The following IFT122 variants were observed in gnomAD, a reference collection of about 807,000 sequenced individuals.
The protein encoded by IFT122 is intraflagellar transport protein 122 homolog.
Under a neutral mutation model 161.6 loss-of-function variants are expected in IFT122, and 118 were observed. That is an observed-to-expected ratio of 0.73 (90% confidence interval 0.63 to 0.85). The LOEUF is 0.85. IFT122 is among the 40% of genes least tolerant of loss of function. The pLI is 0.00. For missense variants in IFT122, 1,381 were observed against 1,579.6 expected (o/e 0.87, Z 2.13); for synonymous variants, 550 against 602.4 (o/e 0.91, Z 1.27).
Position 129,443,114 on chromosome 3 carries a change from A to T in IFT122, c.41+2743A>T, listed in dbSNP as rs139979485. On this transcript the variant is annotated intron_variant, in intron 1 of 29. Coordinates refer to ENST00000348417, the MANE Select transcript of IFT122 (RefSeq NM_052989.3). Reference sequence around the variant, plus strand: ...TCCACATGTCTTTATAGGTGTTATCATGTTTAATCTCTACAACATGTGAGG... The same window carrying T: ...TCCACATGTCTTTATAGGTGTTATCTTGTTTAATCTCTACAACATGTGAGG... Among the ~76,000 whole-genome samples the T allele has an allele frequency of 2.6e-5, 4 of 152,358 alleles. No homozygotes were observed. The East Asian group carries it at 7.7e-4, about 29-fold the overall frequency.
At chr3:129,506,608 A>G (rs1415238844) in intron 22 of IFT122, 59 bp downstream of exon 22, 1 of 1,605,678 alleles carries the variant, frequency 6.2e-7, no homozygotes, top group Non-Finnish European at 8.5e-7. Flanking sequence ...ACCAAGATAA[A>G]CATCAGAAGA....
intron 13 of IFT122, 94 bp downstream of exon 13, chr3:129,480,016 C>T: frequency 1.4e-6 from 2 of 1,480,642 alleles, no homozygotes; most frequent in Admixed American, 1.7e-5. Context: ...GTTCTCAGGG[C>T]AGGAAAAGGG....
intron 6 of IFT122, 91 bp from the exon 7 acceptor site, chr3:129,464,542 CTT>C (rs1010728586): frequency 3.3e-6 from 5 of 1,495,474 alleles, no homozygotes; most frequent in Non-Finnish European, 9.3e-7. Flanking sequence ...CCTCATCAGA[CTT>C]TTATTTCAAA....
intron 1 of IFT122, among the ~76,000 whole-genome samples, chr3:129,441,583 C>T (rs2073121203): frequency 6.6e-6 from 1 of 152,186 alleles, no homozygotes; most frequent in Non-Finnish European, 1.5e-5. Context: ...CTCACTCCAA[C>T]GTCAACGCTC....
At chr3:129,471,966 T>C (rs2077410237) in intron 9 of IFT122, among the ~76,000 whole-genome samples, 1 of 152,200 alleles carries the variant, frequency 6.6e-6, no homozygotes, top group South Asian at 2.1e-4. Context: ...ACTGTTATCA[T>C]CACCATTTTA....
chr3:129,483,762 G>C (rs549014260), intron 15 of IFT122, 80 bp downstream of exon 15: 2 of 1,322,196 alleles, frequency 1.5e-6, no homozygotes, highest in Non-Finnish European at 2.1e-6. Flanking sequence ...CTGGTGCTTT[G>C]GGGAGAGAGT....
At chr3:129,469,655 CAG>C (rs1297560153) in intron 9 of IFT122, among the ~76,000 whole-genome samples, 1 of 152,194 alleles carries the variant, frequency 6.6e-6, no homozygotes, top group Non-Finnish European at 1.5e-5. Context: ...AACCAGAACT[CAG>C]AGCAGTGAAA....
intron 3 of IFT122, 51 bp downstream of exon 3, chr3:129,452,049 C>A: frequency 1.5e-6 from 2 of 1,306,956 alleles, no homozygotes; most frequent in South Asian, 1.2e-5. Flanking sequence ...CATCATTGTT[C>A]ATTTTTCTCT....
At chr3:129,518,077 C>T (rs1320258511) in intron 27 of IFT122, among the ~76,000 whole-genome samples, 1 of 152,258 alleles carries the variant, frequency 6.6e-6, no homozygotes, top group African/African-American at 2.4e-5. Flanking sequence ...TGGTCGGTCA[C>T]AGGCTGGCTC....
In IFT122 at chr3:129,458,633, C is replaced by T. The variant is rs772835552; in HGVS notation, c.228C>T (p.Ser76=). 1.4e-5 allele frequency: 22 copies of T among 1,613,932 alleles called. No individual in the cohort carries two copies. In the East Asian group the frequency reaches 1.8e-4, roughly 13 times the overall value. ...KRFASGSADK[S]VIIWTSKLEG... Reference sequence around the variant, plus strand: ...TTGCTTCTGGATCAGCTGACAAAAGCGTTATTATCTGGACATCAAAACTGG... The same window carrying T: ...TTGCTTCTGGATCAGCTGACAAAAGTGTTATTATCTGGACATCAAAACTGG... Residue 76 remains serine (S), a synonymous_variant, in exon 4 of 30, where the codon AGC becomes AGT. Transcript: ENST00000348417.
chr3:129,496,167 G>A (rs1415325401), intron 18 of IFT122, among the ~76,000 whole-genome samples: 2 of 152,142 alleles, frequency 1.3e-5, no homozygotes, highest in Non-Finnish European at 2.9e-5. Flanking sequence ...TGTGGTTGCA[G>A]TGGGTGATGG....
intron 18 of IFT122, among the ~76,000 whole-genome samples, chr3:129,499,195 G>A (rs2081246109): frequency 4.6e-5 from 7 of 152,290 alleles, no homozygotes; most frequent in African/African-American, 1.7e-4. Context: ...CTCAGCACAG[G>A]ATCCCTAACC....
chr3:129,489,357 G>A (rs1007789817), intron 16 of IFT122, among the ~76,000 whole-genome samples: 1 of 152,232 alleles, frequency 6.6e-6, no homozygotes, highest in Non-Finnish European at 1.5e-5. Context: ...TGAAATGGGG[G>A]TGGTGAGAAT....
At chr3:129,514,789 C>G (rs1578161470) in intron 25 of IFT122, 2 of 618,968 alleles carry the variant, frequency 3.2e-6, no homozygotes, top group East Asian at 5.7e-5. Flanking sequence ...CCTCAGCCCT[C>G]AGCCTGGCCT....
chr3:129,470,592 A>G (rs7637539), intron 9 of IFT122, among the ~76,000 whole-genome samples: 5,749 of 150,722 alleles, frequency 0.038, 329 homozygotes, highest in African/African-American at 0.12. Context: ...TTGTTTTGAG[A>G]CAGAGTCTCA....
In IFT122 at chr3:129,519,585, C is replaced by T. The variant is rs768487219; in HGVS notation, c.3489C>T (p.Phe1163=). The T allele has an allele frequency of 2.8e-5, 45 of 1,613,444 alleles. No homozygotes were observed. Among genetic ancestry groups the T allele is most frequent in the South Asian group, 2.1e-4 (19 of 91,068 alleles). The change falls in exon 29 of 30, where the codon TTC becomes TTT. Residue 1163 remains phenylalanine, a synonymous_variant. Transcript: ENST00000348417. ...KLSFEQGGSE[F]VPVVVSRLVL... ...CCCTGCAGCAAGGTGGCTCAGAGTT[C>T]GTGCCAGTGGTGGTGAGCCGGCTGG...
At chr3:129,468,800 CT>C (rs1468301492) in intron 8 of IFT122, among the ~76,000 whole-genome samples, 1 of 152,180 alleles carries the variant, frequency 6.6e-6, no homozygotes, top group Non-Finnish European at 1.5e-5. Context: ...GCCCATTGCT[CT>C]TTTTTGAAAA....
intron 27 of IFT122, among the ~76,000 whole-genome samples, chr3:129,518,778 A>G (rs1368289355): frequency 6.6e-6 from 1 of 152,146 alleles, no homozygotes; most frequent in African/African-American, 2.4e-5. Context: ...AAGTGCCCGC[A>G]GACCCCCAGC....
chr3:129,442,869 G>A (rs2073441341), intron 1 of IFT122, among the ~76,000 whole-genome samples: 2 of 152,122 alleles, frequency 1.3e-5, no homozygotes, highest in African/African-American at 4.8e-5. Flanking sequence ...ATACTTTTAG[G>A]TTGAGCTGAA....
Sources: allele counts gnomAD v4.1 joint callset (sites outside exome capture counted in the v4.1 genomes callset), GRCh38; gene constraint gnomAD v4.1.1; transcripts MANE v1.5; gene names NCBI Gene and HGNC (gene_info 2026-07-23, HGNC 2026-07-21).